CBY1: variants seen among roughly 807,000 people sequenced by gnomAD.
CBY1 encodes chibby 1, beta catenin antagonist.
Under a neutral mutation model 15.6 loss-of-function variants are expected in CBY1, and 10 were observed. That is an observed-to-expected ratio of 0.64 (90% CI 0.40 to 1.09). The LOEUF (loss-of-function observed/expected upper bound fraction) is 1.09, where lower values mean the gene tolerates loss of function less well. Among genes scored for constraint, CBY1 ranks in the 50% least tolerant of loss-of-function variants. The probability of loss-of-function intolerance (pLI) is 0.01; values close to 1 mark genes in which losing one functional copy is unlikely to be tolerated. For missense variants in CBY1, 150 were observed against 160.5 expected (o/e 0.93, Z 0.35); for synonymous variants, 61 against 63.5 (o/e 0.96, Z 0.19).
intron 1 of CBY1, among the ~76,000 whole-genome samples, chr22:38,659,775 TG>T (rs2092416574): frequency 2.8e-5 from 4 of 144,958 alleles, no homozygotes; most frequent in Admixed American, 1.5e-4. Flanking sequence ...GGCGGGAGAA[TG>T]GTGTGAACCT....
chr22:38,672,995 CAG>C (rs983195402), intron 4 of CBY1, among the ~76,000 whole-genome samples, 162 bp from the exon 5 acceptor site: 1 of 152,146 alleles, frequency 6.6e-6, no homozygotes, highest in Non-Finnish European at 1.5e-5. Flanking sequence ...CCTGGGTCAT[CAG>C]GGGTTGCATT....
Position 38,668,082 on chromosome 22 carries a change from C to T in CBY1, c.28C>T (p.Pro10Ser). MPFFGNTFS[P>S]KKTPPRKSAS... ...GCCTTTCTTTGGGAATACGTTCAGTCCGAAGAAGACACCTCCTCGGAAGTC... is the reference window on the plus strand; with the variant it reads ...GCCTTTCTTTGGGAATACGTTCAGTTCGAAGAAGACACCTCCTCGGAAGTC... Residue 10 changes from proline (P) to serine (S), a missense_variant, in exon 2 of 5, where the codon CCG (proline) becomes TCG (serine). Transcript: ENST00000216029. 1 of 1,613,882 alleles carries T rather than the reference C, an allele frequency of 6.2e-7. No individual in the cohort carries two copies. Among genetic ancestry groups the T allele is most frequent in the South Asian group, 1.1e-5 (1 of 91,068 alleles).
At chr22:38,663,258 C>T (rs939170912) in intron 1 of CBY1, among the ~76,000 whole-genome samples, 2 of 151,182 alleles carry the variant, frequency 1.3e-5, no homozygotes, top group Admixed American at 6.6e-5. Flanking sequence ...AGATTGAGAC[C>T]ATCCTGGCCA....
At chr22:38,657,346 G>A (rs1232894624) in intron 1 of CBY1, among the ~76,000 whole-genome samples, 1 of 152,164 alleles carries the variant, frequency 6.6e-6, no homozygotes, top group Non-Finnish European at 1.5e-5. Flanking sequence ...TTATTCCTCA[G>A]TGCAAAGAAA....
At chr22:38,663,524 T>C (rs1407912569) in intron 1 of CBY1, among the ~76,000 whole-genome samples, 8 of 146,294 alleles carry the variant, frequency 5.5e-5, no homozygotes, top group African/African-American at 1.3e-4. Flanking sequence ...AGAGAAACCC[T>C]GTCTCTACTA....
At chr22:38,666,425 G>A (rs2092436174) in intron 1 of CBY1, 1 of 151,952 alleles carries the variant, frequency 6.6e-6, no homozygotes, top group Non-Finnish European at 1.5e-5. Flanking sequence ...CCAAAAACCA[G>A]GGTGTTATCA....
At chr22:38,672,036 G>A (rs983782453) in intron 4 of CBY1, among the ~76,000 whole-genome samples, 1 of 151,820 alleles carries the variant, frequency 6.6e-6, no homozygotes, top group Non-Finnish European at 1.5e-5. Flanking sequence ...GGCCAAGGTG[G>A]ACGGGTCACA....
rs948406334 is a variant in CBY1, at chr22:38,673,302, G to A, written c.*66G>A. On this transcript the variant is annotated 3_prime_UTR_variant, in exon 5 of 5. Transcript: ENST00000216029. ...GTGCTTTTTTTTTGGCCAGACTAGC[G>A]GATTCAGTCCTGGAAGAGAGTATCA... 21 of 1,012,512 alleles carry A rather than the reference G, an allele frequency of 2.1e-5. No homozygotes were observed. Among genetic ancestry groups the A allele is most frequent in the East Asian group, 7.2e-5 (3 of 41,558 alleles). 62.7% of individuals were successfully genotyped at this position (1,012,512 alleles called of 1,614,324 possible).
Position 38,668,023 on chromosome 22 carries a change from G to A in CBY1, c.-32G>A. 6.2e-7 allele frequency: 1 copy of A among 1,606,480 alleles called. No homozygotes were observed. The highest frequency in any genetic ancestry group is 1.3e-5 in the African/African-American group (1 of 74,860). On this transcript the variant is annotated 5_prime_UTR_variant, in exon 2 of 5. Transcript: ENST00000216029. ...TGACTTTTTCTGACCCTAGGAGAAG[G>A]GAGCACTGGCTTTGCTTTCATCAGG...
chr22:38,660,151 T>G (rs767420864), intron 1 of CBY1, among the ~76,000 whole-genome samples: 8 of 152,126 alleles, frequency 5.3e-5, no homozygotes, highest in African/African-American at 9.7e-5. Flanking sequence ...TGGGTATTAT[T>G]CATCTTTTTA....
At chr22:38,670,285 A>C (rs2092448680) in intron 2 of CBY1, 1 of 152,228 alleles carries the variant, frequency 6.6e-6, no homozygotes, top group Non-Finnish European at 1.5e-5. Flanking sequence ...AGTCCCAGCT[A>C]TTCAGAGGCC....
At position 38,662,232 on chromosome 22, in the gene CBY1, G is replaced by T. The variant is rs559509100; in HGVS notation, c.-39+5482G>T. ...TGGGAGAATCGCTTGAACCTGGGAG[G>T]TTGAGGCTGCAGTGAGCCGAGATCA... On this transcript the variant is annotated intron_variant, in intron 1 of 4. Transcript: ENST00000216029. Among the ~76,000 whole-genome samples the T allele has an allele frequency of 1.1e-3, 171 of 151,516 alleles. 1 individual carries two copies. The highest frequency in any genetic ancestry group is 4.0e-3 in the African/African-American group (165 of 41,282).
chr22:38,673,301 C>T lies in CBY1; in HGVS notation c.*65C>T, dbSNP rs1420482910. 19 of 1,010,394 alleles carry T rather than the reference C, an allele frequency of 1.9e-5. No homozygotes were observed. Among genetic ancestry groups the T allele is most frequent in the East Asian group, 4.8e-5 (2 of 41,540 alleles). 62.6% of individuals were successfully genotyped at this position (1,010,394 alleles called of 1,614,324 possible). On this transcript the variant is annotated 3_prime_UTR_variant, in exon 5 of 5. Coordinates refer to ENST00000216029, the MANE Select transcript of CBY1 (RefSeq NM_015373.4). ...AGTGCTTTTTTTTTGGCCAGACTAG[C>T]GGATTCAGTCCTGGAAGAGAGTATC... is the stretch of plus-strand genomic sequence containing the variant.
chr22:38,665,228 T>C (rs2092432713), intron 1 of CBY1, among the ~76,000 whole-genome samples: 1 of 152,082 alleles, frequency 6.6e-6, no homozygotes, highest in Non-Finnish European at 1.5e-5. Flanking sequence ...TTTGGGAGGC[T>C]GAGGCAGGCA....
At chr22:38,664,107 G>A (rs1004600350) in intron 1 of CBY1, among the ~76,000 whole-genome samples, 1 of 151,766 alleles carries the variant, frequency 6.6e-6, no homozygotes, top group Non-Finnish European at 1.5e-5. Context: ...AGTGAAACTT[G>A]TATCCAGCGT....
intron 1 of CBY1, among the ~76,000 whole-genome samples, chr22:38,666,233 A>ATATTT (rs138485713): frequency 1.4e-5 from 2 of 139,286 alleles, no homozygotes; most frequent in East Asian, 2.1e-4. Flanking sequence ...ATATATATAT[A>ATATTT]TTTTTTTTTC....
chr22:38,658,269 G>A (rs888751982), intron 1 of CBY1, among the ~76,000 whole-genome samples: 7 of 150,078 alleles, frequency 4.7e-5, no homozygotes, highest in Non-Finnish European at 1.0e-4. Flanking sequence ...GGGACAACTG[G>A]CGCACACCAC....
chr22:38,665,671 A>G, intron 1 of CBY1: 1 of 1,180,196 alleles, frequency 8.5e-7, no homozygotes, highest in Non-Finnish European at 1.1e-6. Context: ...AATTCTGTGC[A>G]TGTACAGTGG....
chr22:38,656,977 T>G (rs1213939194), intron 1 of CBY1: 53 of 167,446 alleles, frequency 3.2e-4, no homozygotes, highest in Non-Finnish European at 5.6e-4. Flanking sequence ...GATGATTGCA[T>G]GAGATCGTGC....
Sources: allele counts gnomAD v4.1 joint callset (sites outside exome capture counted in the v4.1 genomes callset), GRCh38; gene constraint gnomAD v4.1.1; transcripts MANE v1.5; gene names NCBI Gene and HGNC (gene_info 2026-07-23, HGNC 2026-07-21).